GREB1L: variants seen among roughly 807,000 people sequenced by gnomAD.
The protein encoded by GREB1L is GREB1 like retinoic acid receptor coactivator.
A neutral mutation model predicts 200.8 loss-of-function variants in GREB1L; 17 were observed. That is an observed-to-expected ratio of 0.08 (90% CI 0.06 to 0.13). The LOEUF (loss-of-function observed/expected upper bound fraction) is 0.13, where lower values mean the gene tolerates loss of function less well. Ranked by LOEUF, GREB1L falls within the 10% of genes least tolerant of loss-of-function variation. The probability of loss-of-function intolerance (pLI) is 1.00; values close to 1 mark genes in which losing one functional copy is unlikely to be tolerated. For missense variants in GREB1L, 1,657 were observed against 2,367.7 expected (o/e 0.70, Z 6.23); for synonymous variants, 789 against 893.0 (o/e 0.88, Z 2.08).
intron 1 of GREB1L, among the ~76,000 whole-genome samples, chr18:21,267,063 A>G (rs2037980787): frequency 6.6e-6 from 1 of 151,920 alleles, no homozygotes; most frequent in African/African-American, 2.4e-5. Flanking sequence ...TCTGCTGACT[A>G]GCTGGGACTA....
chr18:21,510,064 A>G (rs78558999), intron 27 of GREB1L, among the ~76,000 whole-genome samples: 1 of 151,816 alleles, frequency 6.6e-6, no homozygotes, highest in African/African-American at 2.4e-5. Context: ...AAAAAAAAAA[A>G]TTAGCTGGGT....
intron 4 of GREB1L, among the ~76,000 whole-genome samples, chr18:21,385,729 A>G (rs1353836732): frequency 2.0e-5 from 3 of 152,212 alleles, no homozygotes; most frequent in Admixed American, 1.3e-4. Flanking sequence ...CTCATTTATC[A>G]GGTAACAAAA....
chr18:21,439,562 G>C lies in GREB1L; in HGVS notation c.874G>C (p.Ala292Pro). 2 of 1,551,648 alleles carry C rather than the reference G, an allele frequency of 1.3e-6. No individual in the cohort carries two copies. The highest frequency in any genetic ancestry group is 1.7e-6 in the Non-Finnish European group (2 of 1,146,644). ...CAGTAGCCATGGAGGGAAGGGCAGT[G>C]CATCCAGCTCCACTCCAGCCCACAC... The part of the protein sequence containing the change: ...GNSSHGGKGS[A>P]SSSTPAHTGN... The change falls in exon 8 of 33, where the codon GCA (alanine) becomes CCA (proline). Residue 292 changes from alanine (A) to proline (P), a missense_variant. Ala to Pro is a conservative substitution (Grantham distance 27). This residue lies in a region of GREB1L where 289 missense variants were observed against 345.1 expected (regional missense o/e 0.84). Coordinates refer to ENST00000424526, the MANE Select transcript of GREB1L (RefSeq NM_001142966.3).
chr18:21,441,556 A>G lies in GREB1L; in HGVS notation c.1207+19A>G. On this transcript the variant is annotated intron_variant, in intron 10 of 32. Transcript: ENST00000424526. ...CTGATAGGTAAGGTAATGGAATTCC[A>G]AGTTGCCTGTGTCTGCTGGAATCTA... The G allele has an allele frequency of 6.5e-7, 1 of 1,540,400 alleles. No individual in the cohort carries two copies. The highest frequency in any genetic ancestry group is 2.5e-5 in the East Asian group (1 of 40,806).
Position 21,513,942 on chromosome 18 carries a change from C to T in GREB1L, c.4857C>T (p.Asp1619=), listed in dbSNP as rs1012090222. The T allele has an allele frequency of 4.5e-6, 7 of 1,551,540 alleles. No homozygotes were observed. Among genetic ancestry groups the T allele is most frequent in the African/African-American group, 1.4e-5 (1 of 73,026 alleles). ...CVWPFIVMMD[D]SCVLWNIHSV... Reference sequence around the variant, plus strand: ...GGCCTTTCATCGTCATGATGGATGACTCATGTGTCCTATGGAACATTCACA... The same window carrying T: ...GGCCTTTCATCGTCATGATGGATGATTCATGTGTCCTATGGAACATTCACA... Residue 1619 remains aspartate, a synonymous_variant, in exon 28 of 33, where the codon GAC becomes GAT. Transcript: ENST00000424526.
chr18:21,246,417 A>T (rs1476783382), intron 1 of GREB1L, among the ~76,000 whole-genome samples: 1 of 152,206 alleles, frequency 6.6e-6, no homozygotes, highest in Non-Finnish European at 1.5e-5. Flanking sequence ...GTGTGTGCTT[A>T]TGTTATCTTA....
intron 1 of GREB1L, among the ~76,000 whole-genome samples, chr18:21,322,712 A>T (rs1397017670): frequency 6.6e-6 from 1 of 152,150 alleles, no homozygotes; most frequent in Non-Finnish European, 1.5e-5. Flanking sequence ...ATTATAATAG[A>T]CTCAAATACA....
rs548069288 is a variant in GREB1L at position 21,259,214 on chromosome 18, G to A, written c.-120+16821G>A. ...TTAAAAAGGATTTGAAGTAATAATT[G>A]GCAGCAATAATTATCAAACTGTCTC... On this transcript the variant is annotated intron_variant, in intron 1 of 32. Coordinates refer to ENST00000424526, the MANE Select transcript of GREB1L (RefSeq NM_001142966.3). 9.5e-4 allele frequency among the ~76,000 whole-genome samples: 145 copies of A among 152,180 alleles called. 4 individuals are homozygous for A. In the South Asian group the frequency reaches 0.028, roughly 30 times the overall value.
chr18:21,276,591 A>C (rs1415122625), intron 1 of GREB1L, among the ~76,000 whole-genome samples: 1 of 152,154 alleles, frequency 6.6e-6, no homozygotes, highest in African/African-American at 2.4e-5. Context: ...GCACAGAGAA[A>C]ATGGAGGCCT....
At chr18:21,443,040 A>T (rs1234867738) in intron 10 of GREB1L, among the ~76,000 whole-genome samples, 1 of 150,478 alleles carries the variant, frequency 6.6e-6, no homozygotes, top group East Asian at 2.0e-4. Flanking sequence ...AGTAGCTGAG[A>T]TTACGAGCGT....
At chr18:21,350,645 T>C (rs2039419354) in intron 1 of GREB1L, among the ~76,000 whole-genome samples, 1 of 152,170 alleles carries the variant, frequency 6.6e-6, no homozygotes, top group African/African-American at 2.4e-5. Context: ...TTCCTAGATT[T>C]TTCTAGCTTG....
Position 21,464,255 on chromosome 18 carries a change from C to T in GREB1L, c.2183-8776C>T, listed in dbSNP as rs537095348. Reference sequence around the variant, plus strand: ...AATAAAATGTCATTAGGGGGCCGGGCGCGGTCGCTCACGCCTGTAATCCCA... The same window carrying T: ...AATAAAATGTCATTAGGGGGCCGGGTGCGGTCGCTCACGCCTGTAATCCCA... On this transcript the variant is annotated intron_variant, in intron 15 of 32. Coordinates refer to ENST00000424526, the MANE Select transcript of GREB1L (RefSeq NM_001142966.3). Among the ~76,000 whole-genome samples the T allele has an allele frequency of 3.9e-5, 6 of 152,140 alleles. No homozygotes were observed. In the East Asian group the frequency reaches 7.7e-4, roughly 20 times the overall value.
chr18:21,475,592 G>A lies in GREB1L; in HGVS notation c.2364-1572G>A, dbSNP rs1265338235. Among the ~76,000 whole-genome samples, 10 of 152,034 alleles carry A rather than the reference G, an allele frequency of 6.6e-5. No homozygotes were observed. The South Asian group carries it at 1.5e-3, about 22-fold the overall frequency. ...AGGCCAGCCTTGAACTCCTGACCTC[G>A]TGATCCACCCACCTTGGACTCCCAA... On this transcript the variant is annotated intron_variant, in intron 16 of 32. Transcript: ENST00000424526.
At chr18:21,418,793 G>A (rs2031886039) in intron 7 of GREB1L, among the ~76,000 whole-genome samples, 1 of 152,156 alleles carries the variant, frequency 6.6e-6, no homozygotes, top group Non-Finnish European at 1.5e-5. Flanking sequence ...CCAAAGTGCT[G>A]GGATTACCAG....
chr18:21,429,561 G>T (rs1367985194), intron 7 of GREB1L, among the ~76,000 whole-genome samples: 1 of 151,896 alleles, frequency 6.6e-6, no homozygotes, highest in Non-Finnish European at 1.5e-5. Flanking sequence ...GTTGGGAAAT[G>T]CTCCTCCTTC....
intron 1 of GREB1L, among the ~76,000 whole-genome samples, chr18:21,357,510 C>CT (rs1443416652): frequency 4.6e-5 from 7 of 152,132 alleles, no homozygotes; most frequent in Non-Finnish European, 8.8e-5. Context: ...TCTGTTTTTG[C>CT]TTTTACTGCC....
At chr18:21,310,978 A>G (rs1057465253) in intron 1 of GREB1L, among the ~76,000 whole-genome samples, 4 of 152,194 alleles carry the variant, frequency 2.6e-5, no homozygotes. Context: ...TTTGGTGAGT[A>G]GAGGGCCTAT....
At chr18:21,356,523 A>G (rs916755717) in intron 1 of GREB1L, among the ~76,000 whole-genome samples, 2 of 152,192 alleles carry the variant, frequency 1.3e-5, no homozygotes, top group Non-Finnish European at 2.9e-5. Context: ...TAAAGACTGA[A>G]TAGTATTCCA....
intron 1 of GREB1L, among the ~76,000 whole-genome samples, chr18:21,362,146 AC>A (rs2039589769): frequency 6.6e-6 from 1 of 152,124 alleles, no homozygotes; most frequent in Admixed American, 6.6e-5. Flanking sequence ...CTTAAAAAAA[AC>A]CCAGAAAATT....
Sources: gnomAD v4.1 joint callset for allele counts (sites outside exome capture counted in the v4.1 genomes callset) on GRCh38, gnomAD v4.1.1 for gene constraint, gnomAD v4.1.1 regional missense constraint, MANE v1.5 for transcripts, NCBI Gene and HGNC (gene_info 2026-07-23, HGNC 2026-07-21) for gene names.